Variants in STAU2 observed in about 807,000 individuals in gnomAD.
The protein encoded by STAU2 is double-stranded RNA-binding protein Staufen homolog 2.
STAU2 carries 20 observed loss-of-function variants against 65.9 expected under a neutral mutation model. The observed-to-expected ratio is 0.30, with a 90% CI of 0.21 to 0.44. The LOEUF (loss-of-function observed/expected upper bound fraction) is 0.44, where lower values mean the gene tolerates loss of function less well. Ranked by LOEUF, STAU2 falls within the 20% of genes least tolerant of loss-of-function variation. STAU2 has a pLI of 1.00. For missense variants in STAU2, 558 were observed against 683.9 expected (o/e 0.82, Z 2.05); for synonymous variants, 232 against 233.9 (o/e 0.99, Z 0.07).
intron 13 of STAU2, among the ~76,000 whole-genome samples, chr8:73,459,941 G>A (rs1041429401): frequency 6.6e-6 from 1 of 152,136 alleles, no homozygotes; most frequent in Non-Finnish European, 1.5e-5. Context: ...AGCCCCAGCC[G>A]TGAATACACA....
At chr8:73,688,888 A>G in intron 4 of STAU2, 75 bp from the exon 5 acceptor site, 1 of 1,533,280 alleles carries the variant, frequency 6.5e-7, no homozygotes. Flanking sequence ...TGAGAGAAAA[A>G]TAAACATCAT....
At chr8:73,728,194 G>C (rs1805786673) in intron 3 of STAU2, 1 of 152,120 alleles carries the variant, frequency 6.6e-6, no homozygotes, top group East Asian at 1.9e-4. Flanking sequence ...CATTTGAAGA[G>C]ATTATTCTTT....
chr8:73,502,726 T>C (rs919063122), intron 13 of STAU2, among the ~76,000 whole-genome samples: 15 of 152,220 alleles, frequency 9.9e-5, no homozygotes, highest in South Asian at 4.1e-4. Context: ...ATTTTGCTTA[T>C]ATATCTCATA....
intron 13 of STAU2, among the ~76,000 whole-genome samples, chr8:73,493,200 G>A (rs1407946403): frequency 6.6e-6 from 1 of 151,614 alleles, no homozygotes; most frequent in African/African-American, 2.4e-5. Context: ...AATCAAAAGA[G>A]AAAATCTTCA....
At chr8:73,477,585 A>C (rs1820384922) in intron 13 of STAU2, among the ~76,000 whole-genome samples, 1 of 152,204 alleles carries the variant, frequency 6.6e-6, no homozygotes. Context: ...GCTGTGCAGA[A>C]AGGACTGGCG....
intron 13 of STAU2, among the ~76,000 whole-genome samples, chr8:73,546,508 C>T: frequency 6.6e-6 from 1 of 152,124 alleles, no homozygotes; most frequent in South Asian, 2.1e-4. Flanking sequence ...ATATGTAATG[C>T]CTACTTCACT....
At chr8:73,538,828 T>C (rs1270606544) in intron 13 of STAU2, among the ~76,000 whole-genome samples, 1 of 152,134 alleles carries the variant, frequency 6.6e-6, no homozygotes, top group Non-Finnish European at 1.5e-5. Flanking sequence ...TCCAAATTGG[T>C]AGCAAATACC....
At chr8:73,481,313 A>AC (rs1398398248) in intron 13 of STAU2, among the ~76,000 whole-genome samples, 1 of 151,994 alleles carries the variant, frequency 6.6e-6, no homozygotes, top group African/African-American at 2.4e-5. Flanking sequence ...TAAGGAAAGC[A>AC]CAACATTGCC....
Position 73,746,813 on chromosome 8 carries a change from CCAACATTGG to C in STAU2, c.-236_-228del, listed in dbSNP as rs1807323920. On this transcript the variant is annotated 5_prime_UTR_variant, in exon 1 of 15. It removes an upstream start codon present in the reference 5' UTR. Coordinates refer to ENST00000524300, the MANE Select transcript of STAU2 (RefSeq NM_001164380.2). ...TGCCGGGGACACTTTGCAGACGGCT[CCAACATTGG>C]CAAACACTACAGAGAACTGACCCCG... 2 of 1,231,872 alleles carry C rather than the reference CCAACATTGG, an allele frequency of 1.6e-6. No individual in the cohort carries two copies. Among genetic ancestry groups the C allele is most frequent in the South Asian group, 8.2e-5 (2 of 24,372 alleles). The allele number at this position is 1,231,872 out of a possible 1,614,324, so 76.3% of individuals were successfully genotyped here.
intron 7 of STAU2, 36 bp from the exon 8 acceptor site, chr8:73,615,818 A>G (rs1201908120): frequency 6.8e-7 from 1 of 1,477,718 alleles, no homozygotes; most frequent in East Asian, 2.3e-5. Flanking sequence ...CTGAATCTTG[A>G]CATTATAACA....
intron 3 of STAU2, among the ~76,000 whole-genome samples, chr8:73,712,145 A>T (rs542460048): frequency 2.0e-5 from 3 of 152,316 alleles, no homozygotes; most frequent in Non-Finnish European, 4.4e-5. Context: ...AATGCACATA[A>T]TGTTACACAG....
Position 73,550,380 on chromosome 8 carries a change from A to G in STAU2, c.1530+1632T>C, listed in dbSNP as rs572888529. 15 of 984,492 alleles carry G rather than the reference A, an allele frequency of 1.5e-5. No homozygotes were observed. The East Asian group carries it at 1.5e-3, about 97-fold the overall frequency. The allele number at this position is 984,492 out of a possible 1,614,324, so 61.0% of individuals were successfully genotyped here. On this transcript the variant is annotated intron_variant, in intron 13 of 14. Transcript: ENST00000524300. ...GCCAAGAGCTTAGAAATAAAAACAA[A>G]TTTAAAAAATTAAGACATTCTGGTA...
chr8:73,514,170 C>T (rs1003657287), intron 13 of STAU2, among the ~76,000 whole-genome samples: 2 of 152,132 alleles, frequency 1.3e-5, no homozygotes, highest in Non-Finnish European at 2.9e-5. Flanking sequence ...AGCTGGTCAT[C>T]AAGGCCTGCT....
intron 1 of STAU2, among the ~76,000 whole-genome samples, chr8:73,743,464 TAA>T (rs1219318130): frequency 7.6e-6 from 1 of 131,152 alleles, no homozygotes; most frequent in Non-Finnish European, 1.5e-5. Flanking sequence ...GCCTTCTTTT[TAA>T]TTTTTTTTTT....
chr8:73,634,484 C>A (rs754202272), intron 6 of STAU2, among the ~76,000 whole-genome samples: 1 of 151,890 alleles, frequency 6.6e-6, no homozygotes, highest in Non-Finnish European at 1.5e-5. Context: ...GCTGAGATTG[C>A]GCCACTGCAC....
At chr8:73,539,960 G>C (rs1313720591) in intron 13 of STAU2, among the ~76,000 whole-genome samples, 1 of 151,182 alleles carries the variant, frequency 6.6e-6, no homozygotes, top group Non-Finnish European at 1.5e-5. Context: ...GTCCCAGAAG[G>C]AAAAAGAGAG....
intron 13 of STAU2, chr8:73,550,370 A>G (rs1175549645): frequency 3.0e-6 from 3 of 984,182 alleles, no homozygotes; most frequent in Non-Finnish European, 3.6e-6. Flanking sequence ...GAGCTTAGAA[A>G]TAAAAACAAA....
intron 3 of STAU2, among the ~76,000 whole-genome samples, chr8:73,735,565 T>C (rs1435973298): frequency 6.6e-6 from 1 of 152,232 alleles, no homozygotes; most frequent in Non-Finnish European, 1.5e-5. Flanking sequence ...TTTCGATTTT[T>C]GGATTAGGGA....
chr8:73,678,010 T>C (rs1818134297), intron 5 of STAU2, among the ~76,000 whole-genome samples: 1 of 152,172 alleles, frequency 6.6e-6, no homozygotes, highest in East Asian at 1.9e-4. Context: ...GCCTTTGCTT[T>C]ACATTATATG....
Sources: gnomAD v4.1 joint callset for allele counts (sites outside exome capture counted in the v4.1 genomes callset) on GRCh38, gnomAD v4.1.1 for gene constraint, MANE v1.5 for transcripts, NCBI Gene and HGNC (gene_info 2026-07-23, HGNC 2026-07-21) for gene names.